The following CCSER1 variants were observed in gnomAD, a reference collection of about 807,000 sequenced individuals.
CCSER1 encodes the protein serine-rich coiled-coil domain-containing protein 1.
A neutral mutation model predicts 82.0 loss-of-function variants in CCSER1; 41 were observed. The ratio of observed to expected loss-of-function variants is 0.50; its 90% confidence interval spans 0.39 to 0.65. CCSER1 has a LOEUF of 0.65. CCSER1 is among the 30% of genes least tolerant of loss of function. The pLI, the probability that CCSER1 is intolerant of heterozygous loss-of-function variation, is 0.00. For missense variants in CCSER1, 1,119 were observed against 1,064.2 expected, an observed-to-expected ratio of 1.05 and a Z score of -0.72; for synonymous variants, 414 against 383.9, an observed-to-expected ratio of 1.08 and a Z score of -0.92.
At position 91,085,823 on chromosome 4, in the gene CCSER1, C is replaced by A. The variant is rs183840639; in HGVS notation, c.2173-127C>A. 10 of 644,702 alleles carry A rather than the reference C, an allele frequency of 1.6e-5. No individual in the cohort carries two copies. In the East Asian group the frequency reaches 2.5e-4, roughly 16 times the overall value. The allele number at this position is 644,702 out of a possible 1,614,324, so 39.9% of individuals were successfully genotyped here. ...ACATACACACCCATGAGATAGTCATCTATATTCAGATCTTCTTTGTTACGA... is the reference window on the plus strand; with the variant it reads ...ACATACACACCCATGAGATAGTCATATATATTCAGATCTTCTTTGTTACGA... On this transcript the variant is annotated intron_variant, in intron 9 of 10. Coordinates refer to ENST00000509176, the MANE Select transcript of CCSER1 (RefSeq NM_001145065.2).
chr4:90,971,772 C>G (rs1015609344), intron 9 of CCSER1, among the ~76,000 whole-genome samples: 6 of 151,842 alleles, frequency 4.0e-5, no homozygotes, highest in South Asian at 4.2e-4. Context: ...TCCAAAATAA[C>G]AGAATACAGT....
intron 5 of CCSER1, among the ~76,000 whole-genome samples, chr4:90,583,060 C>A (rs745990036): frequency 5.9e-5 from 9 of 152,048 alleles, no homozygotes; most frequent in Non-Finnish European, 8.8e-5. Flanking sequence ...TTCTTGTTTT[C>A]TTTTATTTTA....
At chr4:90,902,956 T>C (rs1724883786) in intron 8 of CCSER1, among the ~76,000 whole-genome samples, 2 of 152,162 alleles carry the variant, frequency 1.3e-5, no homozygotes, top group South Asian at 2.1e-4. Flanking sequence ...TTCCCTATCA[T>C]GCCCCTCTCA....
chr4:90,376,005 G>T (rs535988413), intron 3 of CCSER1, among the ~76,000 whole-genome samples: 3 of 152,260 alleles, frequency 2.0e-5, no homozygotes, highest in Admixed American at 2.0e-4. Context: ...TGTTCTAGGG[G>T]CACTATGTGT....
rs1477940279 is a variant in CCSER1, at chr4:90,312,885, A to G, written c.1347A>G (p.Pro449=). ...PAKVLASSLS[P]FREGRFIERR... is the part of the protein sequence containing the mutation. ...TAGTTCTTGCCAGTAGTCTCAGTCC[A>G]TTTCGTGAAGGAAGATTTATAGAGA... The change falls in exon 3 of 11, where the codon CCA becomes CCG. Residue 449 remains proline (P), a synonymous_variant. Coordinates refer to ENST00000509176, the MANE Select transcript of CCSER1 (RefSeq NM_001145065.2). 1.3e-6 allele frequency: 2 copies of G among 1,572,900 alleles called. No homozygotes were observed. Among genetic ancestry groups the G allele is most frequent in the Admixed American group, 3.7e-5 (2 of 53,642 alleles).
At chr4:91,524,370 C>T (rs943711094) in intron 10 of CCSER1, among the ~76,000 whole-genome samples, 1 of 152,090 alleles carries the variant, frequency 6.6e-6, no homozygotes, top group African/African-American at 2.4e-5. Context: ...TATTTCAGTT[C>T]TTTTGAATAA....
At chr4:90,861,036 A>G (rs1473238293) in intron 8 of CCSER1, among the ~76,000 whole-genome samples, 1 of 151,732 alleles carries the variant, frequency 6.6e-6, no homozygotes, top group East Asian at 1.9e-4. Flanking sequence ...CGATAAAACA[A>G]TTATACAAAT....
At chr4:91,116,036 T>C (rs1670292004) in intron 10 of CCSER1, among the ~76,000 whole-genome samples, 2 of 151,698 alleles carry the variant, frequency 1.3e-5, no homozygotes, top group South Asian at 4.2e-4. Context: ...CCCTGGTGTG[T>C]GATGTTCTCC....
In CCSER1 at chr4:90,921,599, GTCTTATAAC is replaced by G. The variant is rs1347157581; in HGVS notation, c.2095-1768_2095-1760del. Among the ~76,000 whole-genome samples the G allele has an allele frequency of 3.3e-5, 5 of 151,920 alleles. No individual in the cohort carries two copies. The South Asian group carries it at 6.2e-4, about 19-fold the overall frequency. On this transcript the variant is annotated intron_variant, in intron 8 of 10. Transcript: ENST00000509176. ...ATTTATCATTATTTGAATTTTCTAAGTCTTATAACTCAGAGCAGTAATCCAGAAGTTACC... is the reference window on the plus strand; with the variant it reads ...ATTTATCATTATTTGAATTTTCTAAGTCAGAGCAGTAATCCAGAAGTTACC...
At chr4:91,325,662 G>C (rs892006480) in intron 10 of CCSER1, among the ~76,000 whole-genome samples, 2 of 152,128 alleles carry the variant, frequency 1.3e-5, no homozygotes, top group African/African-American at 2.4e-5. Flanking sequence ...TTCCAATACG[G>C]CACAAAGCTT....
chr4:91,584,655 A>C (rs1437746200), intron 10 of CCSER1, among the ~76,000 whole-genome samples: 1 of 151,486 alleles, frequency 6.6e-6, no homozygotes, highest in African/African-American at 2.4e-5. Flanking sequence ...ATTGGTCCTA[A>C]AGTATGTTAA....
chr4:90,966,895 T>A (rs781349901), intron 9 of CCSER1, among the ~76,000 whole-genome samples: 1 of 152,070 alleles, frequency 6.6e-6, no homozygotes, highest in Non-Finnish European at 1.5e-5. Context: ...AATTGACAAG[T>A]TGATCCTAAA....
At chr4:90,207,523 G>C (rs1739110453) in intron 1 of CCSER1, among the ~76,000 whole-genome samples, 2 of 152,126 alleles carry the variant, frequency 1.3e-5, no homozygotes. Context: ...TCACCACCCA[G>C]TTTTGTTCCC....
chr4:90,941,676 C>T (rs1731598732), intron 9 of CCSER1, among the ~76,000 whole-genome samples: 1 of 152,126 alleles, frequency 6.6e-6, no homozygotes, highest in Non-Finnish European at 1.5e-5. Context: ...TATATAATCA[C>T]TCTCTCTAAA....
chr4:90,638,255 C>T (rs1242419820), intron 6 of CCSER1, among the ~76,000 whole-genome samples: 1 of 151,968 alleles, frequency 6.6e-6, no homozygotes, highest in Non-Finnish European at 1.5e-5. Context: ...TTTTTTTAAT[C>T]TCAAATCATG....
chr4:90,641,712 A>T (rs952200051), intron 6 of CCSER1, among the ~76,000 whole-genome samples: 2 of 152,186 alleles, frequency 1.3e-5, no homozygotes, highest in Non-Finnish European at 2.9e-5. Flanking sequence ...GAACAAATGT[A>T]TACCCATATG....
intron 10 of CCSER1, among the ~76,000 whole-genome samples, chr4:91,119,060 T>G (rs538659254): frequency 1.3e-5 from 2 of 152,154 alleles, no homozygotes; most frequent in Non-Finnish European, 2.9e-5. Context: ...CAATCTGCAG[T>G]TTTGATATTC....
intron 10 of CCSER1, among the ~76,000 whole-genome samples, chr4:91,298,662 A>C (rs757824567): frequency 1.5e-4 from 23 of 152,014 alleles, no homozygotes; most frequent in Non-Finnish European, 3.2e-4. Context: ...CATAGGAAAA[A>C]AACCTTCTTT....
At chr4:90,381,931 A>G (rs1363886432) in intron 3 of CCSER1, among the ~76,000 whole-genome samples, 1 of 152,064 alleles carries the variant, frequency 6.6e-6, no homozygotes, top group African/African-American at 2.4e-5. Context: ...ACTGGTTTGT[A>G]TCTGTGGGTT....
Sources: gnomAD v4.1 joint callset for allele counts (sites outside exome capture counted in the v4.1 genomes callset) on GRCh38, gnomAD v4.1.1 for gene constraint, MANE v1.5 for transcripts, NCBI Gene and HGNC (gene_info 2026-07-23, HGNC 2026-07-21) for gene names.